COL5A2: variants seen among roughly 807,000 people sequenced by gnomAD.
COL5A2 encodes collagen alpha-2(V) chain.
Under a neutral mutation model 208.2 loss-of-function variants are expected in COL5A2, and 23 were observed. The ratio of observed to expected loss-of-function variants is 0.11; its 90% CI spans 0.08 to 0.16. The LOEUF (loss-of-function observed/expected upper bound fraction) is 0.16, where lower values mean the gene tolerates loss of function less well. COL5A2 is among the 10% of genes least tolerant of loss of function. COL5A2 has a pLI of 1.00. For missense variants in COL5A2, 1,590 were observed against 1,956.4 expected (o/e 0.81, Z 3.53); for synonymous variants, 625 against 628.5 (o/e 0.99, Z 0.08).
the COL5A2 span, among the ~76,000 whole-genome samples, chr2:189,326,563 C>T: frequency 2.0e-5 from 3 of 151,720 alleles, no homozygotes; most frequent in Non-Finnish European, 4.4e-5. Flanking sequence ...TGGTGGTGTG[C>T]GCGCCTGTAG....
intron 1 of COL5A2, among the ~76,000 whole-genome samples, chr2:189,220,691 TATAA>T (rs1389918954): frequency 6.6e-6 from 1 of 152,190 alleles, no homozygotes; most frequent in African/African-American, 2.4e-5. Flanking sequence ...TCATCTTGGT[TATAA>T]ATGAGAAAAT....
At chr2:189,209,004 A>G (rs1030477349) in intron 1 of COL5A2, among the ~76,000 whole-genome samples, 1 of 152,122 alleles carries the variant, frequency 6.6e-6, no homozygotes, top group Admixed American at 6.5e-5. Flanking sequence ...CGGAGGTACT[A>G]GTAGCATGCA....
intron 6 of COL5A2, among the ~76,000 whole-genome samples, chr2:189,092,808 G>T (rs1252451905): frequency 6.6e-6 from 1 of 152,156 alleles, no homozygotes; most frequent in African/African-American, 2.4e-5. Flanking sequence ...ACAGTGGATT[G>T]TCATTGGATT....
the COL5A2 span, among the ~76,000 whole-genome samples, chr2:189,379,185 T>C: frequency 6.6e-6 from 1 of 152,314 alleles, no homozygotes; most frequent in South Asian, 2.1e-4. Flanking sequence ...CCCATCCATA[T>C]GTCCTAAAGG....
At chr2:189,433,770 C>A in the COL5A2 span, among the ~76,000 whole-genome samples, 1 of 152,176 alleles carries the variant, frequency 6.6e-6, no homozygotes, top group Non-Finnish European at 1.5e-5. Flanking sequence ...GGAACTGGTA[C>A]CATTCCTTCT....
At chr2:189,140,208 C>T (rs1687909967) in intron 1 of COL5A2, among the ~76,000 whole-genome samples, 1 of 151,952 alleles carries the variant, frequency 6.6e-6, no homozygotes, top group Admixed American at 6.6e-5. Context: ...TGTATTTATA[C>T]CAAAATAATC....
chr2:189,141,217 A>G (rs1687928333), intron 1 of COL5A2, among the ~76,000 whole-genome samples: 2 of 152,260 alleles, frequency 1.3e-5, no homozygotes, highest in Non-Finnish European at 2.9e-5. Flanking sequence ...TGTGCAGTAG[A>G]CCAGTTAAAA....
chr2:189,186,894 CTTT>C (rs1178210315), intron 1 of COL5A2, among the ~76,000 whole-genome samples: 1 of 152,034 alleles, frequency 6.6e-6, no homozygotes, highest in African/African-American at 2.4e-5. Flanking sequence ...AAGATATTTC[CTTT>C]TTTGTATTAG....
the COL5A2 span, among the ~76,000 whole-genome samples, chr2:189,409,729 A>T: frequency 6.6e-6 from 1 of 152,206 alleles, no homozygotes; most frequent in Non-Finnish European, 1.5e-5. Flanking sequence ...TTTGTGACAA[A>T]TTAACCAATT....
At chr2:189,420,283 G>T in the COL5A2 span, among the ~76,000 whole-genome samples, 1 of 152,096 alleles carries the variant, frequency 6.6e-6, no homozygotes, top group South Asian at 2.1e-4. Flanking sequence ...CAGATTTTAT[G>T]AATTATGAAT....
chr2:189,115,579 T>C (rs994817752), intron 1 of COL5A2, among the ~76,000 whole-genome samples: 2 of 152,158 alleles, frequency 1.3e-5, no homozygotes, highest in African/African-American at 4.8e-5. Context: ...ACTAAAGTTC[T>C]TTCAAGCAGA....
Position 189,110,281 on chromosome 2 carries a change from G to T in COL5A2, c.266C>A (p.Pro89His). 1 of 1,614,084 alleles carries T rather than the reference G, an allele frequency of 6.2e-7. No individual in the cohort carries two copies. Among genetic ancestry groups the T allele is most frequent in the Non-Finnish European group, 8.5e-7 (1 of 1,179,990 alleles). Residue 89 changes from proline (P) to histidine (H), a missense_variant, in exon 2 of 54, where the codon CCT (proline) becomes CAT (histidine). Pro to His is a moderately conservative substitution (Grantham distance 77). Transcript: ENST00000374866. ...TGAACAGACAGGACAGCATTCCCCA[G>T]GGGGCGTTACAGGGTCGGCACAGTC... is the stretch of plus-strand genomic sequence containing the variant. ...VLDCADPVTP[P>H]GECCPVCSQT...
At chr2:189,204,648 GT>G (rs1689121408) in intron 1 of COL5A2, among the ~76,000 whole-genome samples, 2 of 151,960 alleles carry the variant, frequency 1.3e-5, no homozygotes, top group Admixed American at 1.3e-4. Context: ...TTAGATTTCT[GT>G]CCTAATACTA....
chr2:189,081,388 G>A (rs189195927), intron 12 of COL5A2, among the ~76,000 whole-genome samples: 103 of 152,222 alleles, frequency 6.8e-4, no homozygotes, highest in African/African-American at 2.3e-3. Context: ...TGTCCAACAT[G>A]AGAATTGACT....
Position 189,039,289 on chromosome 2 carries a change from T to C in COL5A2, c.3908A>G (p.His1303Arg), listed in dbSNP as rs138900123. 1.9e-6 allele frequency: 3 copies of C among 1,614,030 alleles called. No homozygotes were observed. The highest frequency in any genetic ancestry group is 2.5e-6 in the Non-Finnish European group (3 of 1,179,962). Residue 1303 changes from histidine (H) to arginine (R), a missense_variant, in exon 51 of 54, where the codon CAT becomes CGT. His to Arg is a conservative substitution (Grantham distance 29). Coordinates refer to ENST00000374866, the MANE Select transcript of COL5A2 (RefSeq NM_000393.5). ...CTACTCACCACTCTGCTTTGCGGAA[T>C]GGCAAAGCTTTAGGTCATCACACGT... Reference protein sequence around the residue: ...ARTCDDLKLCHSAKQSGEYWI... With the variant: ...ARTCDDLKLCRSAKQSGEYWI...
chr2:189,328,907 G>A, the COL5A2 span, among the ~76,000 whole-genome samples: 1 of 152,122 alleles, frequency 6.6e-6, no homozygotes, highest in Non-Finnish European at 1.5e-5. Context: ...GAAATGTGAT[G>A]GTTGAATCTC....
chr2:189,212,864 AATATATATAT>A (rs34736257), intron 1 of COL5A2, among the ~76,000 whole-genome samples: 1 of 144,246 alleles, frequency 6.9e-6, no homozygotes, highest in Non-Finnish European at 1.5e-5. Flanking sequence ...TATAGTGTTA[AATATATATAT>A]ATATATATAT....
intron 53 of COL5A2, 107 bp downstream of exon 53, chr2:189,034,809 C>A: frequency 7.8e-7 from 1 of 1,285,322 alleles, no homozygotes; most frequent in South Asian, 1.2e-5. Context: ...TGCTATTATG[C>A]TCATATACAA....
rs560922987 is a variant in COL5A2 at position 189,058,934 on chromosome 2, G to C, written c.2086-41C>G. 8 of 1,568,864 alleles carry C rather than the reference G, an allele frequency of 5.1e-6. No individual in the cohort carries two copies. The African/African-American group carries it at 1.1e-4, about 21-fold the overall frequency. On this transcript the variant is annotated intron_variant, in intron 31 of 53. Transcript: ENST00000374866. ...TTTTTTTTAATGGAACAAGAGCTTT[G>C]AGTTTAGGCATTTATCAGAAAACTT...
Sources: gnomAD v4.1 joint callset for allele counts (sites outside exome capture counted in the v4.1 genomes callset) on GRCh38, gnomAD v4.1.1 for gene constraint, MANE v1.5 for transcripts, NCBI Gene and HGNC (gene_info 2026-07-23, HGNC 2026-07-21) for gene names.